The following SEM1 variants were observed in gnomAD, a reference collection of about 807,000 sequenced individuals.
SEM1 encodes the protein SEM1 26S proteasome subunit.
Under a neutral mutation model 12.7 loss-of-function variants are expected in SEM1, and 3 were observed. The observed-to-expected ratio is 0.24, with a 90% confidence interval of 0.11 to 0.61. The LOEUF (loss-of-function observed/expected upper bound fraction) is 0.61. Among genes scored for constraint, SEM1 ranks in the 20% least tolerant of loss-of-function variants. SEM1 has a pLI of 0.88. For missense variants in SEM1, 59 were observed against 81.3 expected, an observed-to-expected ratio of 0.73 and a Z score of 1.06; for synonymous variants, 30 against 27.8, an observed-to-expected ratio of 1.08 and a Z score of -0.25.
chr7:96,578,900 T>A (rs935545468), intron 2 of SEM1, among the ~76,000 whole-genome samples: 1 of 152,194 alleles, frequency 6.6e-6, no homozygotes, highest in Admixed American at 6.5e-5. Context: ...GAATTCATTT[T>A]ATGGATACAA....
chr7:96,624,569 A>T (rs1226005674), intron 2 of SEM1, among the ~76,000 whole-genome samples: 1 of 152,196 alleles, frequency 6.6e-6, no homozygotes, highest in South Asian at 2.1e-4. Flanking sequence ...GACAATTGTT[A>T]TGAGAATGAA....
At chr7:96,608,690 A>G (rs570326246) in intron 2 of SEM1, among the ~76,000 whole-genome samples, 2 of 152,274 alleles carry the variant, frequency 1.3e-5, no homozygotes, top group East Asian at 3.9e-4. Context: ...GTCTTTTCTG[A>G]CTGGCTTTTT....
At chr7:96,508,029 T>C (rs1344151194) in intron 2 of SEM1, among the ~76,000 whole-genome samples, 1 of 152,078 alleles carries the variant, frequency 6.6e-6, no homozygotes, top group Non-Finnish European at 1.5e-5. Flanking sequence ...CTTAGTGTAT[T>C]TTAGAGGAAT....
chr7:96,629,758 T>C (rs1808189194), intron 2 of SEM1, among the ~76,000 whole-genome samples: 1 of 152,142 alleles, frequency 6.6e-6, no homozygotes, highest in African/African-American at 2.4e-5. Context: ...CAGTCTGGGC[T>C]TGTTTGTACC....
chr7:96,553,409 A>G (rs890312713), intron 2 of SEM1, among the ~76,000 whole-genome samples: 15 of 149,922 alleles, frequency 1.0e-4, no homozygotes, highest in African/African-American at 3.4e-4. Flanking sequence ...AGCTTTCTAC[A>G]TATGGCTAGC....
intron 2 of SEM1, among the ~76,000 whole-genome samples, chr7:96,674,954 G>A (rs1789413987): frequency 1.3e-5 from 2 of 152,160 alleles, no homozygotes; most frequent in African/African-American, 2.4e-5. Flanking sequence ...GAAGGAGCAG[G>A]GGTGGGTGAC....
intron 2 of SEM1, among the ~76,000 whole-genome samples, chr7:96,485,169 C>A (rs1802702288): frequency 6.6e-6 from 1 of 152,146 alleles, no homozygotes; most frequent in African/African-American, 2.4e-5. Context: ...CTTATTAAGT[C>A]TAGGCAAAAT....
chr7:96,667,777 C>T (rs1789209488), intron 2 of SEM1, among the ~76,000 whole-genome samples: 2 of 152,120 alleles, frequency 1.3e-5, no homozygotes, highest in South Asian at 4.1e-4. Flanking sequence ...CCTGAGCTTC[C>T]CCACAATATA....
intron 2 of SEM1, among the ~76,000 whole-genome samples, chr7:96,539,266 G>A (rs1804878682): frequency 6.6e-6 from 1 of 151,792 alleles, no homozygotes; most frequent in African/African-American, 2.4e-5. Context: ...CAGAGAATCT[G>A]GCTAAGCAAT....
downstream of SEM1, among the ~76,000 whole-genome samples, chr7:96,620,072 T>G (rs1268514598): frequency 1.3e-5 from 2 of 152,092 alleles, no homozygotes; most frequent in Non-Finnish European, 2.9e-5. Flanking sequence ...TAGGAGAGCC[T>G]AGTTTCCCTG....
chr7:96,530,929 T>C (rs555102431), intron 2 of SEM1, among the ~76,000 whole-genome samples: 1 of 152,186 alleles, frequency 6.6e-6, no homozygotes, highest in Admixed American at 6.5e-5. Flanking sequence ...ATGATCATCA[T>C]GAGAGGAAGA....
At chr7:96,660,004 G>A (rs1788942469) in intron 2 of SEM1, among the ~76,000 whole-genome samples, 1 of 150,192 alleles carries the variant, frequency 6.7e-6, no homozygotes, top group Non-Finnish European at 1.5e-5. Context: ...AAAAATAAGA[G>A]TTTCAGATTG....
intron 2 of SEM1, among the ~76,000 whole-genome samples, chr7:96,553,131 C>T (rs981815864): frequency 6.6e-6 from 1 of 152,008 alleles, no homozygotes; most frequent in African/African-American, 2.4e-5. Flanking sequence ...AAATTTTCTC[C>T]TATTTTGTAG....
chr7:96,634,568 A>G (rs1808370274), intron 2 of SEM1, among the ~76,000 whole-genome samples: 1 of 148,590 alleles, frequency 6.7e-6, no homozygotes. Flanking sequence ...TCTCATATAC[A>G]TGCATATATA....
At chr7:96,486,852 G>T (rs373858600) in intron 1 of SEM1, among the ~76,000 whole-genome samples, 3 of 152,166 alleles carry the variant, frequency 2.0e-5, no homozygotes, top group Non-Finnish European at 4.4e-5. Context: ...CAGTTAAACT[G>T]GTTCTCACAC....
At chr7:96,614,941 C>T (rs1807664098) in intron 2 of SEM1, among the ~76,000 whole-genome samples, 1 of 152,134 alleles carries the variant, frequency 6.6e-6, no homozygotes, top group South Asian at 2.1e-4. Flanking sequence ...TCTTATGAGC[C>T]TCTATCAATA....
chr7:96,707,770 C>G (rs572991507), intron 1 of SEM1, among the ~76,000 whole-genome samples: 1 of 152,244 alleles, frequency 6.6e-6, no homozygotes, highest in Non-Finnish European at 1.5e-5. Flanking sequence ...TGAAAAAAAT[C>G]AAGTGTACCA....
intron 2 of SEM1, among the ~76,000 whole-genome samples, chr7:96,549,406 T>G: frequency 6.6e-6 from 1 of 152,176 alleles, no homozygotes; most frequent in Non-Finnish European, 1.5e-5. Context: ...ACTTTCGTGA[T>G]CCAATCAAGA....
At chr7:96,709,275 T>C (rs574355328) in intron 1 of SEM1, among the ~76,000 whole-genome samples, 16 of 152,286 alleles carry the variant, frequency 1.1e-4, no homozygotes, top group African/African-American at 3.9e-4. Flanking sequence ...TTAAGCAGCA[T>C]TGGCGTAACT....
Sources: allele counts gnomAD v4.1 joint callset (sites outside exome capture counted in the v4.1 genomes callset), GRCh38; gene constraint gnomAD v4.1.1; transcripts MANE v1.5; gene names NCBI Gene and HGNC (gene_info 2026-07-23, HGNC 2026-07-21).